Variants in TULP4 observed in about 807,000 individuals in gnomAD.
TULP4 encodes the protein tubby-related protein 4.
In TULP4, 16 loss-of-function variants were observed where a neutral mutation model predicts 129.0. That is an observed-to-expected ratio of 0.12 (90% confidence interval 0.08 to 0.19). The LOEUF (loss-of-function observed/expected upper bound fraction) is 0.19. TULP4 is among the 10% of genes least tolerant of loss of function. TULP4 has a pLI of 1.00. For synonymous variants in TULP4, 998 were observed against 854.0 expected (o/e 1.17, Z -2.94); for missense variants, 1,842 against 2,059.1 (o/e 0.89, Z 2.04).
intron 1 of TULP4, among the ~76,000 whole-genome samples, chr6:158,305,814 T>G (rs1054983235): frequency 6.6e-6 from 1 of 152,162 alleles, no homozygotes; most frequent in Non-Finnish European, 1.5e-5. Context: ...GCTTTCAATC[T>G]GATAGTTGCT....
chr6:158,495,048 A>T (rs573965888), intron 11 of TULP4, among the ~76,000 whole-genome samples: 216 of 147,152 alleles, frequency 1.5e-3, no homozygotes, highest in African/African-American at 5.0e-3. Flanking sequence ...TGCCAGTGGC[A>T]TTTTTTTTTT....
At position 158,461,696 on chromosome 6, in the gene TULP4, G is replaced by A; in HGVS notation, c.993G>A (p.Gly331=). The part of the protein sequence containing the change: ...SAMVKFYNVR[G]EHIFTLDTLV... ...TGGTCAAGTTCTACAATGTTCGTGG[G>A]GAGCACATCTTCACACTGGACACTC... is the stretch of plus-strand genomic sequence containing the variant. The change falls in exon 6 of 14, where the codon GGG becomes GGA. Residue 331 remains glycine, a synonymous_variant. Transcript: ENST00000367097. The A allele has an allele frequency of 3.1e-6, 5 of 1,614,176 alleles. No homozygotes were observed. In the South Asian group the frequency reaches 5.5e-5, roughly 18 times the overall value.
intron 3 of TULP4, among the ~76,000 whole-genome samples, chr6:158,448,718 A>G (rs1044055804): frequency 4.6e-5 from 7 of 152,244 alleles, no homozygotes; most frequent in East Asian, 1.9e-4. Context: ...TGCAAATAGT[A>G]TAACAGAGAT....
intron 1 of TULP4, chr6:158,242,098 T>C: frequency 1.2e-6 from 1 of 824,264 alleles, no homozygotes; most frequent in South Asian, 1.3e-5. Flanking sequence ...CAGAGCCTCC[T>C]CTGTTTGACC....
rs1383681744 is a variant in TULP4 at position 158,502,461 on chromosome 6, A to T, written c.2798A>T (p.Lys933Met). Reference protein sequence around the residue: ...ATLRLTATEKKVPQPCSSATL... With the variant: ...ATLRLTATEKMVPQPCSSATL... Reference sequence around the variant, plus strand: ...TTGAGGCTCACGGCCACTGAGAAGAAGGTCCCTCAGCCCTGCAGCAGTGCC... The same window carrying T: ...TTGAGGCTCACGGCCACTGAGAAGATGGTCCCTCAGCCCTGCAGCAGTGCC... The change falls in exon 13 of 14, where the codon AAG becomes ATG. Residue 933 changes from lysine to methionine, a missense_variant. Around this residue, in one of 5 missense-constraint regions of TULP4, gnomAD observed 1,089 missense variants for 987.1 expected, o/e 1.10. Coordinates refer to ENST00000367097, the MANE Select transcript of TULP4 (RefSeq NM_020245.5). 1.9e-6 allele frequency: 3 copies of T among 1,613,216 alleles called. No homozygotes were observed. Among genetic ancestry groups the T allele is most frequent in the Admixed American group, 3.3e-5 (2 of 59,994 alleles).
At chr6:158,478,116 G>C (rs1212869848) in intron 6 of TULP4, among the ~76,000 whole-genome samples, 2 of 152,182 alleles carry the variant, frequency 1.3e-5, no homozygotes, top group Non-Finnish European at 2.9e-5. Flanking sequence ...GAGGAGGGAG[G>C]AGGGAGAAGA....
At position 158,449,092 on chromosome 6, in the gene TULP4, G is replaced by A. The variant is rs35262826; in HGVS notation, c.640G>A (p.Gly214Ser). ...CTTGCACGAGTCAGACGGTGTCCTC[G>A]GCATGTCCTGGAACTACCCGATCTT... Reference protein sequence around the residue: ...VLLHESDGVLGMSWNYPIFLV... With the variant: ...VLLHESDGVLSMSWNYPIFLV... Residue 214 changes from glycine to serine, a missense_variant, in exon 4 of 14, where the codon GGC becomes AGC. By Grantham distance (56) the Gly-to-Ser change is moderately conservative. Around this residue, in one of 5 missense-constraint regions of TULP4, gnomAD observed 456 missense variants for 534.3 expected, o/e 0.85. Coordinates refer to ENST00000367097, the MANE Select transcript of TULP4 (RefSeq NM_020245.5). The A allele has an allele frequency of 2.6e-4, 422 of 1,614,052 alleles. 1 individual carries two copies. The African/African-American group carries it at 4.4e-3, about 17-fold the overall frequency.
chr6:158,282,572 A>C (rs9459918), intron 1 of TULP4, among the ~76,000 whole-genome samples: 25,852 of 147,540 alleles, frequency 0.18, 2,658 homozygotes, highest in Middle Eastern at 0.25. Context: ...AGGTAATGCT[A>C]GTTTCTGGGA....
upstream of TULP4, among the ~76,000 whole-genome samples, chr6:158,311,133 T>C (rs901241227): frequency 6.6e-6 from 1 of 152,200 alleles, no homozygotes; most frequent in Non-Finnish European, 1.5e-5. Flanking sequence ...GTAGAGTCTT[T>C]TGCTGGGACT....
At chr6:158,305,526 C>T (rs1368305242) in intron 1 of TULP4, among the ~76,000 whole-genome samples, 1 of 151,270 alleles carries the variant, frequency 6.6e-6, no homozygotes, top group Admixed American at 6.6e-5. Context: ...ATAATAAGAC[C>T]CTGTCTGTAC....
chr6:158,504,486 AC>A (rs1402520379), intron 13 of TULP4, among the ~76,000 whole-genome samples: 2 of 150,452 alleles, frequency 1.3e-5, no homozygotes, highest in African/African-American at 4.9e-5. Flanking sequence ...AGCTGGGACT[AC>A]ACGTGCCCGC....
intron 1 of TULP4, among the ~76,000 whole-genome samples, chr6:158,350,143 G>A (rs1420228302): frequency 1.3e-5 from 2 of 148,834 alleles, no homozygotes; most frequent in Admixed American, 6.7e-5. Flanking sequence ...ACCGAGCAGA[G>A]GCGCTCCTCA....
chr6:158,410,842 C>A (rs1429769866), intron 1 of TULP4, among the ~76,000 whole-genome samples: 1 of 151,818 alleles, frequency 6.6e-6, no homozygotes, highest in African/African-American at 2.4e-5. Flanking sequence ...GGTTTGTTGC[C>A]CTGCTCCCCA....
At position 158,507,433 on chromosome 6, in the gene TULP4, A is replaced by G. The variant is rs1780631395; in HGVS notation, c.*739A>G. 6.6e-6 allele frequency: 1 copy of G among 152,330 alleles called. No homozygotes were observed. Among genetic ancestry groups the G allele is most frequent in the South Asian group, 2.1e-4 (1 of 4,838 alleles). 9.4% of individuals were successfully genotyped at this position (152,330 alleles called of 1,614,324 possible). ...GACTTGTAGCAGCAGTACGAGGGCT[A>G]CACTCCTCTGCTGAGGATGTCTACA... On this transcript the variant is annotated 3_prime_UTR_variant, in exon 14 of 14. Transcript: ENST00000367097.
chr6:158,445,105 T>C (rs2115117464), intron 3 of TULP4, among the ~76,000 whole-genome samples: 1 of 152,326 alleles, frequency 6.6e-6, no homozygotes, highest in African/African-American at 2.4e-5. Context: ...TGAGCCGTGG[T>C]GCCTGGCCGT....
intron 1 of TULP4, among the ~76,000 whole-genome samples, chr6:158,273,126 C>T (rs1778579983): frequency 1.3e-5 from 2 of 152,210 alleles, no homozygotes; most frequent in African/African-American, 2.4e-5. Flanking sequence ...GTGTGTTCTT[C>T]ACACAGACAG....
intron 1 of TULP4, among the ~76,000 whole-genome samples, chr6:158,394,900 G>A (rs1413253841): frequency 2.0e-5 from 3 of 151,714 alleles, no homozygotes; most frequent in Non-Finnish European, 4.4e-5. Flanking sequence ...GGATGACTGG[G>A]AGGCCTCAGG....
chr6:158,485,026 C>T (rs1292805436), intron 8 of TULP4, among the ~76,000 whole-genome samples: 2 of 152,116 alleles, frequency 1.3e-5, no homozygotes, highest in African/African-American at 2.4e-5. Flanking sequence ...GCTAGAAATA[C>T]GGATGTTAAG....
rs1401383074 is a variant in TULP4 at position 158,415,395 on chromosome 6, G to GCTC, written c.381+2204_381+2205insCCT. On this transcript the variant is annotated intron_variant, in intron 2 of 13. Coordinates refer to ENST00000367097, the MANE Select transcript of TULP4 (RefSeq NM_020245.5). ...GACGGAGTCACGCTCTGTCGCCCAGGCTGGAGTGCAGGGGCACGATCTCAA... is the reference window on the plus strand; with the variant it reads ...GACGGAGTCACGCTCTGTCGCCCAGGCTCCTGGAGTGCAGGGGCACGATCTCAA... Among the ~76,000 whole-genome samples the GCTC allele has an allele frequency of 4.0e-3, 602 of 149,496 alleles. 3 individuals carry two copies. Among genetic ancestry groups the GCTC allele is most frequent in the African/African-American group, 0.014 (553 of 40,652 alleles).
Sources: allele counts gnomAD v4.1 joint callset (sites outside exome capture counted in the v4.1 genomes callset), GRCh38; gene constraint gnomAD v4.1.1; regional missense constraint gnomAD v4.1.1; transcripts MANE v1.5; gene names NCBI Gene and HGNC (gene_info 2026-07-23, HGNC 2026-07-21).